CFAP99: variants seen among roughly 807,000 people sequenced by gnomAD.
CFAP99 encodes cilia- and flagella-associated protein 99.
In CFAP99, 84 loss-of-function variants were observed where a neutral mutation model predicts 82.7. That is an observed-to-expected ratio of 1.02 (90% CI 0.85 to 1.22). The LOEUF is 1.22. CFAP99 is among the 50% of genes most tolerant of loss of function. CFAP99 has a pLI of 0.00. For missense variants in CFAP99, 1,059 were observed against 983.5 expected, an observed-to-expected ratio of 1.08 and a Z score of -1.03; for synonymous variants, 456 against 429.5, an observed-to-expected ratio of 1.06 and a Z score of -0.76.
exon 5 of CFAP99, chr4:2,443,159 C>G: frequency 6.5e-7 from 1 of 1,534,574 alleles, no homozygotes; most frequent in Non-Finnish European, 8.7e-7. Flanking sequence ...ACCCCCTGCA[C>G]CTGTGCTCAT....
intron 2 of CFAP99, chr4:2,429,253 CA>C (rs1560377755): frequency 1.3e-5 from 2 of 152,064 alleles, no homozygotes; most frequent in East Asian, 3.9e-4. Context: ...CTTCCTCAAG[CA>C]AAAAGTGGTA....
chr4:2,425,615 C>A (rs1010439330), intron 1 of CFAP99, among the ~76,000 whole-genome samples: 3 of 152,256 alleles, frequency 2.0e-5, no homozygotes, highest in Admixed American at 1.3e-4. Flanking sequence ...TGAGAAGGGC[C>A]CCCCTCTGCC....
intron 4 of CFAP99, among the ~76,000 whole-genome samples, chr4:2,438,424 G>A (rs111618593): frequency 0.05 from 7,606 of 152,030 alleles, 615 homozygotes; most frequent in African/African-American, 0.17. Flanking sequence ...CACCACACCC[G>A]GCTATTTTTT....
In CFAP99 at chr4:2,462,122, A is replaced by C. The variant is rs1578486397; in HGVS notation, c.1662-321A>C. ...CAGTGAGCCATGATCGCGCCACTGC[A>C]CTCCAGCCTGGGCGACAGAGTGAGA... On this transcript the variant is annotated intron_variant, in intron 14 of 14. Transcript: ENST00000635017. The surrounding 1 kb of genome is among the most constrained non-coding windows in gnomAD (Gnocchi z 4.1). 4.9e-6 allele frequency: 1 copy of C among 202,878 alleles called. No individual in the cohort carries two copies. Among genetic ancestry groups the C allele is most frequent in the Non-Finnish European group, 9.8e-6 (1 of 101,794 alleles). The allele number at this position is 202,878 out of a possible 1,614,324, so 12.6% of individuals were successfully genotyped here. A position where few individuals can be genotyped will look rare whatever the true frequency, so the allele number is the denominator to read the frequency against.
exon 13 of CFAP99, chr4:2,459,133 G>C: frequency 6.5e-7 from 1 of 1,532,008 alleles, no homozygotes; most frequent in Non-Finnish European, 8.7e-7. Context: ...GGAGAGCAGG[G>C]GGCTGCTGCA....
chr4:2,459,040 G>A lies in CFAP99; in HGVS notation c.1304-67G>A, dbSNP rs1734507112. On this transcript the variant is annotated intron_variant, in intron 12 of 14. Coordinates refer to ENST00000635017, the Ensembl canonical transcript of CFAP99. The stretch of plus-strand genomic sequence containing the variant: ...TCCTGGCTGGGGAACCCTGGGGGAG[G>A]TGCCTTCCTGTCCAGCCCCTGCCCT... 5 of 1,455,022 alleles carry A rather than the reference G, an allele frequency of 3.4e-6. No homozygotes were observed. The South Asian group carries it at 4.1e-5, about 12-fold the overall frequency. The allele number at this position is 1,455,022 out of a possible 1,614,324, so 90.1% of individuals were successfully genotyped here.
chr4:2,425,233 T>C (rs2108708426), intron 1 of CFAP99, among the ~76,000 whole-genome samples: 1 of 152,330 alleles, frequency 6.6e-6, no homozygotes, highest in South Asian at 2.1e-4. Flanking sequence ...CGTTTTCTCC[T>C]GGTTCTTTTC....
chr4:2,454,156 C>A (rs1734369388), intron 11 of CFAP99, among the ~76,000 whole-genome samples: 1 of 152,122 alleles, frequency 6.6e-6, no homozygotes, highest in Admixed American at 6.6e-5. Flanking sequence ...TGCCACAATG[C>A]CCAGCTATTT....
At chr4:2,437,600 C>G (rs1488431707) in intron 3 of CFAP99, among the ~76,000 whole-genome samples, 1 of 152,172 alleles carries the variant, frequency 6.6e-6, no homozygotes, top group Non-Finnish European at 1.5e-5. Flanking sequence ...AGCTGAGCAG[C>G]TGATGCCAGT....
chr4:2,423,265 C>A (rs1733619902), intron 1 of CFAP99, among the ~76,000 whole-genome samples: 2 of 152,268 alleles, frequency 1.3e-5, no homozygotes, highest in African/African-American at 2.4e-5. Context: ...CACGCCCACA[C>A]TGCACCACAC....
At chr4:2,450,159 G>A in intron 8 of CFAP99, 154 bp downstream of exon 8, 1 of 764,550 alleles carries the variant, frequency 1.3e-6, no homozygotes, top group South Asian at 1.7e-5. Context: ...GGGAAAGTGT[G>A]CCTTGAGCCC....
At chr4:2,452,098 C>T in intron 10 of CFAP99, 44 bp from the exon 11 acceptor site, 1 of 1,528,006 alleles carries the variant, frequency 6.5e-7, no homozygotes, top group South Asian at 1.2e-5. Context: ...CAGCCTCTGT[C>T]ACGGGAGAAA....
intron 11 of CFAP99, among the ~76,000 whole-genome samples, chr4:2,454,593 T>TTG (rs1734382512): frequency 1.7e-4 from 19 of 110,618 alleles, no homozygotes; most frequent in African/African-American, 5.9e-4. Context: ...TTTTTTTTTT[T>TTG]GTTTTTTTTT....
intron 11 of CFAP99, among the ~76,000 whole-genome samples, chr4:2,456,668 C>A (rs553849095): frequency 9.3e-5 from 14 of 151,130 alleles, no homozygotes; most frequent in African/African-American, 3.2e-4. Flanking sequence ...TACAGGCATG[C>A]ACCATCATGC....
At chr4:2,425,449 C>T (rs1052430975) in intron 1 of CFAP99, among the ~76,000 whole-genome samples, 8 of 152,066 alleles carry the variant, frequency 5.3e-5, no homozygotes, top group African/African-American at 1.4e-4. Flanking sequence ...TTAGTCAGTC[C>T]CCAGCCTGGA....
chr4:2,429,712 C>G (rs958017794), intron 2 of CFAP99, among the ~76,000 whole-genome samples: 2 of 152,112 alleles, frequency 1.3e-5, no homozygotes, highest in Non-Finnish European at 2.9e-5. Context: ...CTGCCTCAGC[C>G]TCCCGAGTAG....
At chr4:2,458,820 C>A in exon 12 of CFAP99, 1 of 1,535,880 alleles carries the variant, frequency 6.5e-7, no homozygotes, top group Non-Finnish European at 8.7e-7. Context: ...CAGAAGAACG[C>A]CAAGGCGGCC....
intron 11 of CFAP99, among the ~76,000 whole-genome samples, chr4:2,457,406 G>A (rs1038583957): frequency 2.0e-5 from 3 of 152,170 alleles, no homozygotes; most frequent in Non-Finnish European, 2.9e-5. Flanking sequence ...GACTTGGTGC[G>A]AGCTCAGCGA....
exon 11 of CFAP99, chr4:2,452,180 A>C (rs1327083488): frequency 6.5e-7 from 1 of 1,536,060 alleles, no homozygotes; most frequent in Admixed American, 2.0e-5. Flanking sequence ...GACTTCTCTG[A>C]GTTCTTCGAG....
Sources: gnomAD v4.1 joint callset for allele counts (sites outside exome capture counted in the v4.1 genomes callset) on GRCh38, gnomAD v4.1.1 for gene constraint, Gnocchi (gnomAD v3.1) non-coding constraint, MANE v1.5 for transcripts, NCBI Gene and HGNC (gene_info 2026-07-23, HGNC 2026-07-21) for gene names.